Variants in NME8 observed in about 807,000 individuals in gnomAD.
NME8 encodes NME/NM23 family member 8.
NME8 carries 72 observed loss-of-function variants against 82.3 expected under a neutral mutation model. The ratio of observed to expected loss-of-function variants is 0.87; its 90% confidence interval spans 0.72 to 1.06. The LOEUF is 1.06. Among genes scored for constraint, NME8 ranks in the 50% least tolerant of loss-of-function variants. The pLI is 0.00. For synonymous variants in NME8, 267 were observed against 228.5 expected, an observed-to-expected ratio of 1.17 and a Z score of -1.52; for missense variants, 712 against 685.4, an observed-to-expected ratio of 1.04 and a Z score of -0.43.
intron 5 of NME8, among the ~76,000 whole-genome samples, chr7:37,853,713 G>A (rs924407400): frequency 5.3e-5 from 8 of 152,064 alleles, no homozygotes; most frequent in African/African-American, 1.9e-4. Context: ...CGGACATATT[G>A]TTTTCTGCTG....
chr7:37,874,218 C>T (rs948814400), intron 11 of NME8, among the ~76,000 whole-genome samples: 10 of 152,126 alleles, frequency 6.6e-5, no homozygotes, highest in Non-Finnish European at 1.5e-4. Context: ...AACACACACA[C>T]AGACACATAC....
Position 37,888,349 on chromosome 7 carries a change from T to G in NME8, c.1320T>G (p.Ala440=). The change falls in exon 15 of 18, where the codon GCT becomes GCG. Residue 440 remains alanine, a synonymous_variant. Coordinates refer to ENST00000199447, the MANE Select transcript of NME8 (RefSeq NM_016616.5). ...ATGGCAGCGATTCATTAGAAACCGCTGAAAGGGAAATACAGCATTTCTTTC... is the reference window on the plus strand; with the variant it reads ...ATGGCAGCGATTCATTAGAAACCGCGGAAAGGGAAATACAGCATTTCTTTC... ...QLYGSDSLET[A]EREIQHFFPL... The G allele has an allele frequency of 6.2e-7, 1 of 1,613,638 alleles. No individual in the cohort carries two copies. Among genetic ancestry groups the G allele is most frequent in the Non-Finnish European group, 8.5e-7 (1 of 1,179,684 alleles).
At chr7:37,884,471 C>T in intron 13 of NME8, 24 bp downstream of exon 13, 1 of 1,597,726 alleles carries the variant, frequency 6.3e-7, no homozygotes, top group South Asian at 1.1e-5. Context: ...TGAGAAAATT[C>T]AGTCTGATTT....
intron 16 of NME8, among the ~76,000 whole-genome samples, chr7:37,896,468 C>T (rs908395996): frequency 6.6e-6 from 1 of 152,200 alleles, no homozygotes; most frequent in African/African-American, 2.4e-5. Flanking sequence ...TGTATGCTCA[C>T]ATCACTCAGT....
At chr7:37,863,978 C>T (rs953641902) in intron 8 of NME8, among the ~76,000 whole-genome samples, 14 of 152,164 alleles carry the variant, frequency 9.2e-5, no homozygotes, top group Admixed American at 5.2e-4. Context: ...ATGAATCTGT[C>T]GGTGATGTTT....
At chr7:37,891,958 AT>A (rs571056505) in intron 15 of NME8, among the ~76,000 whole-genome samples, 4 of 152,018 alleles carry the variant, frequency 2.6e-5, no homozygotes, top group African/African-American at 7.2e-5. Flanking sequence ...CTTGTGTTAA[AT>A]GTTAAATGTA....
intron 10 of NME8, among the ~76,000 whole-genome samples, chr7:37,866,451 T>G (rs961712478): frequency 3.9e-5 from 6 of 152,212 alleles, no homozygotes; most frequent in Admixed American, 1.3e-4. Flanking sequence ...TCGCATTAAC[T>G]GTAAACTTCT....
Position 37,850,735 on chromosome 7 carries a change from C to A in NME8, c.198C>A (p.Val66=). 1 of 1,604,176 alleles carries A rather than the reference C, an allele frequency of 6.2e-7. No homozygotes were observed. Among genetic ancestry groups the A allele is most frequent in the South Asian group, 1.1e-5 (1 of 90,880 alleles). ...AAGACGAAATTCTGCATTTTGCTGT[C>A]GTAAGAATTTTGTTTTCATTAAACC... ...LNEDEILHFA[V]AEADNIVTLQ... Residue 66 remains valine, a splice_region_variant and synonymous_variant, in exon 5 of 18, where the codon GTC becomes GTA. Coordinates refer to ENST00000199447, the MANE Select transcript of NME8 (RefSeq NM_016616.5).
chr7:37,875,052 A>T (rs957389985), intron 11 of NME8, among the ~76,000 whole-genome samples: 1 of 152,200 alleles, frequency 6.6e-6, no homozygotes, highest in African/African-American at 2.4e-5. Context: ...CATAACCAGA[A>T]TGTAATAGGA....
In NME8 at chr7:37,850,455, G is replaced by A. The variant is rs1461749212; in HGVS notation, c.91+20G>A. 4.3e-6 allele frequency: 7 copies of A among 1,613,934 alleles called. No homozygotes were observed. The highest frequency in any genetic ancestry group is 2.2e-5 in the South Asian group (2 of 91,070). On this transcript the variant is annotated intron_variant, in intron 4 of 17. Coordinates refer to ENST00000199447, the MANE Select transcript of NME8 (RefSeq NM_016616.5). Reference sequence around the variant, plus strand: ...TAACAGGTATAAGGACTCCCCGGCTGTCTGGCCACCTGGGGTTTGACCCGG... The same window carrying A: ...TAACAGGTATAAGGACTCCCCGGCTATCTGGCCACCTGGGGTTTGACCCGG...
At chr7:37,877,137 G>A in intron 12 of NME8, 130 bp downstream of exon 12, 1 of 724,472 alleles carries the variant, frequency 1.4e-6, no homozygotes, top group Non-Finnish European at 2.4e-6. Flanking sequence ...AGAAATTAAT[G>A]TATTAACTTA....
chr7:37,861,950 A>T, intron 6 of NME8, 78 bp from the exon 7 acceptor site: 1 of 887,356 alleles, frequency 1.1e-6, no homozygotes, highest in East Asian at 2.4e-5. Flanking sequence ...GGGAGGGATG[A>T]CTTAGTCCAG....
At chr7:37,875,754 G>A (rs1197031953) in intron 11 of NME8, among the ~76,000 whole-genome samples, 4 of 151,610 alleles carry the variant, frequency 2.6e-5, no homozygotes, top group Admixed American at 1.3e-4. Context: ...ATGACAATAC[G>A]GCACCCAAAA....
intron 13 of NME8, 46 bp downstream of exon 13, chr7:37,884,493 A>G (rs774719272): frequency 2.6e-6 from 4 of 1,548,502 alleles, no homozygotes; most frequent in Admixed American, 3.4e-5. Context: ...TTTTTGAATC[A>G]TGTAAACTTT....
intron 15 of NME8, among the ~76,000 whole-genome samples, chr7:37,893,611 C>T (rs1785169352): frequency 6.6e-6 from 1 of 152,134 alleles, no homozygotes. Flanking sequence ...ATGCTTAACA[C>T]AAAGGTCAGT....
chr7:37,896,906 T>C lies in NME8; in HGVS notation c.1581T>C (p.Asn527=). The C allele has an allele frequency of 6.2e-7, 1 of 1,613,860 alleles. No individual in the cohort carries two copies. The highest frequency in any genetic ancestry group is 8.5e-7 in the Non-Finnish European group (1 of 1,179,844). Residue 527 remains asparagine (N), a synonymous_variant, in exon 17 of 18, where the codon AAT becomes AAC. Transcript: ENST00000199447. ...PSMVMILTKW[N]AVAEWRRLMG... is the part of the protein sequence containing the mutation. ...TGGTCATGATTCTGACCAAGTGGAATGCTGTTGCAGAATGGAGACGATTGA... is the reference window on the plus strand; with the variant it reads ...TGGTCATGATTCTGACCAAGTGGAACGCTGTTGCAGAATGGAGACGATTGA...
chr7:37,860,559 G>A (rs1784584396), intron 6 of NME8, among the ~76,000 whole-genome samples: 1 of 151,966 alleles, frequency 6.6e-6, no homozygotes, highest in East Asian at 1.9e-4. Flanking sequence ...TGTTCCTTTG[G>A]CAAATTCACC....
intron 8 of NME8, 145 bp downstream of exon 8, chr7:37,863,607 A>G: frequency 3.0e-6 from 2 of 660,286 alleles, no homozygotes; most frequent in Non-Finnish European, 5.5e-6. Flanking sequence ...TGGGCCTTGC[A>G]AGACTCAGCT....
At chr7:37,878,499 C>G (rs60608358) in intron 12 of NME8, among the ~76,000 whole-genome samples, 3,233 of 152,076 alleles carry the variant, frequency 0.021, 109 homozygotes, top group East Asian at 0.12. Flanking sequence ...ATTTTATGGA[C>G]GAGATAGTGT....
Sources: allele counts gnomAD v4.1 joint callset (sites outside exome capture counted in the v4.1 genomes callset), GRCh38; gene constraint gnomAD v4.1.1; transcripts MANE v1.5; gene names NCBI Gene and HGNC (gene_info 2026-07-23, HGNC 2026-07-21).